APBA2: variants seen among roughly 807,000 people sequenced by gnomAD.
APBA2 encodes the protein amyloid-beta A4 precursor protein-binding family A member 2.
APBA2 carries 30 observed loss-of-function variants against 75.0 expected under a neutral mutation model. The ratio of observed to expected loss-of-function variants is 0.40; its 90% confidence interval spans 0.30 to 0.54. The LOEUF is 0.54. Among genes scored for constraint, APBA2 ranks in the 20% least tolerant of loss-of-function variants. The pLI is 0.49. For missense variants in APBA2, 801 were observed against 1,016.1 expected, an observed-to-expected ratio of 0.79 and a Z score of 2.88; for synonymous variants, 444 against 409.6, an observed-to-expected ratio of 1.08 and a Z score of -1.01.
chr15:28,915,396 A>C (rs1267068103), intron 1 of APBA2, among the ~76,000 whole-genome samples: 3 of 148,300 alleles, frequency 2.0e-5, no homozygotes, highest in Non-Finnish European at 4.5e-5. Flanking sequence ...CACCTCACAC[A>C]CCACACATTC....
chr15:28,916,800 T>G (rs1213568204), intron 1 of APBA2, among the ~76,000 whole-genome samples: 1 of 152,240 alleles, frequency 6.6e-6, no homozygotes, highest in Non-Finnish European at 1.5e-5. Flanking sequence ...TGTCGTCATT[T>G]ATTTAACCAT....
At chr15:28,939,891 G>A (rs988278100) in intron 2 of APBA2, among the ~76,000 whole-genome samples, 2 of 152,164 alleles carry the variant, frequency 1.3e-5, no homozygotes, top group African/African-American at 4.8e-5. Context: ...TGGGGGGAAC[G>A]TCCAGTCCAT....
chr15:28,972,323 A>T (rs2037110020), intron 2 of APBA2, among the ~76,000 whole-genome samples: 1 of 152,206 alleles, frequency 6.6e-6, no homozygotes. Flanking sequence ...ACTTTCCTAA[A>T]ATAAAATTAA....
At position 29,016,030 on chromosome 15, in the gene APBA2, G is replaced by A. The variant is rs572647950; in HGVS notation, c.-41+20224G>A. ...TCCCAGCACTTTGGGAGGCCAAGGC[G>A]GGCGGATCACAAGGTCAAGAGATCG... is the stretch of plus-strand genomic sequence containing the variant. On this transcript the variant is annotated intron_variant, in intron 3 of 14. Transcript: ENST00000683413. Among the ~76,000 whole-genome samples, 128 of 152,304 alleles carry A rather than the reference G, an allele frequency of 8.4e-4. 2 individuals are homozygous for A. The highest frequency in any genetic ancestry group is 1.2e-3 in the East Asian group (6 of 5,174).
At chr15:28,930,461 C>G (rs1417824296) in intron 2 of APBA2, among the ~76,000 whole-genome samples, 1 of 152,128 alleles carries the variant, frequency 6.6e-6, no homozygotes, top group African/African-American at 2.4e-5. Flanking sequence ...TACTTTCAGT[C>G]CCAGGAACAT....
intron 3 of APBA2, among the ~76,000 whole-genome samples, chr15:29,003,527 T>C (rs761945222): frequency 2.0e-5 from 3 of 152,048 alleles, no homozygotes; most frequent in African/African-American, 4.8e-5. Context: ...GCGGAGTCTC[T>C]ATGGAGGTGG....
chr15:29,018,723 A>G (rs778191196), intron 3 of APBA2, among the ~76,000 whole-genome samples: 9 of 152,170 alleles, frequency 5.9e-5, no homozygotes, highest in Non-Finnish European at 1.3e-4. Context: ...CTGAGAAAAC[A>G]GTGGAGTCCT....
chr15:28,972,789 T>C (rs1350861105), intron 2 of APBA2, among the ~76,000 whole-genome samples: 1 of 152,188 alleles, frequency 6.6e-6, no homozygotes, highest in African/African-American at 2.4e-5. Flanking sequence ...TTAAAAACAA[T>C]AATAAAACTG....
chr15:28,948,315 A>C (rs1369740238), intron 2 of APBA2, among the ~76,000 whole-genome samples: 2 of 151,966 alleles, frequency 1.3e-5, no homozygotes, highest in Non-Finnish European at 2.9e-5. Context: ...CTTTGCCATA[A>C]TGGCCACCTC....
intron 10 of APBA2, among the ~76,000 whole-genome samples, chr15:29,104,511 C>T (rs1264620714): frequency 1.3e-5 from 2 of 152,254 alleles, no homozygotes; most frequent in African/African-American, 4.8e-5. Flanking sequence ...CAGGCCTTTG[C>T]CATGTCAGAG....
chr15:29,023,441 C>CTTTTTTTTTTTTTTTTT (rs10604525), intron 3 of APBA2, among the ~76,000 whole-genome samples: 7 of 73,290 alleles, frequency 9.6e-5, no homozygotes, highest in Non-Finnish European at 1.4e-4. Flanking sequence ...TACCTTTTTC[C>CTTTTTTTTTTTTTTTTT]TTTTTTTTTT....
At chr15:28,910,603 G>T (rs1277191907) in intron 1 of APBA2, among the ~76,000 whole-genome samples, 1 of 152,168 alleles carries the variant, frequency 6.6e-6, no homozygotes, top group Non-Finnish European at 1.5e-5. Flanking sequence ...AAGTCTCTGC[G>T]TCACACCGCC....
At chr15:28,960,862 T>G (rs1190142813) in intron 2 of APBA2, among the ~76,000 whole-genome samples, 1 of 151,172 alleles carries the variant, frequency 6.6e-6, no homozygotes, top group Non-Finnish European at 1.5e-5. Flanking sequence ...CAGGTTCAAA[T>G]GATTCTCCTG....
At chr15:29,010,344 C>T (rs535101558) in intron 3 of APBA2, among the ~76,000 whole-genome samples, 2 of 152,230 alleles carry the variant, frequency 1.3e-5, no homozygotes, top group Admixed American at 6.5e-5. Context: ...CTGTAAGCTT[C>T]GCCTCGTGGG....
intron 3 of APBA2, among the ~76,000 whole-genome samples, chr15:29,011,028 C>T (rs867911496): frequency 6.6e-6 from 1 of 152,164 alleles, no homozygotes; most frequent in African/African-American, 2.4e-5. Flanking sequence ...TTGCCCCAGC[C>T]TCTGGGAGCC....
At chr15:28,977,752 A>G (rs2037415110) in intron 2 of APBA2, among the ~76,000 whole-genome samples, 1 of 152,220 alleles carries the variant, frequency 6.6e-6, no homozygotes, top group South Asian at 2.1e-4. Flanking sequence ...CGTATGTGAC[A>G]GGCACACAGC....
intron 3 of APBA2, among the ~76,000 whole-genome samples, chr15:29,031,853 A>G (rs1449857609): frequency 6.6e-6 from 1 of 152,184 alleles, no homozygotes; most frequent in Non-Finnish European, 1.5e-5. Context: ...CCAAGTCCCC[A>G]CTCAACCCAG....
At chr15:28,913,933 C>T (rs1254569073) in intron 1 of APBA2, among the ~76,000 whole-genome samples, 3 of 152,072 alleles carry the variant, frequency 2.0e-5, no homozygotes, top group Non-Finnish European at 4.4e-5. Flanking sequence ...TGACAGGCTG[C>T]GGGCCAGTGG....
intron 2 of APBA2, among the ~76,000 whole-genome samples, chr15:28,979,706 A>C (rs2037522857): frequency 6.6e-6 from 1 of 152,122 alleles, no homozygotes; most frequent in Non-Finnish European, 1.5e-5. Context: ...GTCTCTTGGC[A>C]GGGCAGCCAA....
Sources: allele counts gnomAD v4.1 joint callset (sites outside exome capture counted in the v4.1 genomes callset), GRCh38; gene constraint gnomAD v4.1.1; transcripts MANE v1.5; gene names NCBI Gene and HGNC (gene_info 2026-07-23, HGNC 2026-07-21).